Variants in GLIS3 observed in about 807,000 individuals in gnomAD.
The protein encoded by GLIS3 is zinc finger protein GLIS3.
GLIS3 carries 53 observed loss-of-function variants against 78.6 expected under a neutral mutation model. The observed-to-expected ratio is 0.67, with a 90% confidence interval of 0.54 to 0.85. The LOEUF (loss-of-function observed/expected upper bound fraction) is 0.85. Among genes scored for constraint, GLIS3 ranks in the 40% least tolerant of loss-of-function variants. The pLI is 0.00. For missense variants in GLIS3, 1,703 were observed against 1,231.1 expected (o/e 1.38, Z -5.74); for synonymous variants, 684 against 509.9 (o/e 1.34, Z -4.60).
chr9:3,912,083 G>A (rs893476694), intron 6 of GLIS3, among the ~76,000 whole-genome samples: 8 of 152,134 alleles, frequency 5.3e-5, no homozygotes, highest in African/African-American at 1.7e-4. Flanking sequence ...AACCTCTCAA[G>A]ACTTCAGAAC....
chr9:3,939,845 C>T (rs949141835), intron 4 of GLIS3, among the ~76,000 whole-genome samples: 1 of 152,186 alleles, frequency 6.6e-6, no homozygotes, highest in Non-Finnish European at 1.5e-5. Flanking sequence ...AATTCACTTG[C>T]AGGAACCATG....
intron 2 of GLIS3, among the ~76,000 whole-genome samples, chr9:4,182,339 C>T (rs1180694575): frequency 1.3e-5 from 2 of 152,094 alleles, no homozygotes; most frequent in Non-Finnish European, 2.9e-5. Context: ...TGGTGTCGTC[C>T]GTACTCCTTC....
chr9:4,418,720 A>G, the GLIS3 span, among the ~76,000 whole-genome samples: 25 of 151,870 alleles, frequency 1.6e-4, no homozygotes, highest in African/African-American at 5.3e-4. Flanking sequence ...AAAAAAAAAC[A>G]TATTGGAGAA....
At chr9:3,944,685 C>T (rs1019513396) in intron 4 of GLIS3, among the ~76,000 whole-genome samples, 7 of 152,288 alleles carry the variant, frequency 4.6e-5, no homozygotes, top group East Asian at 3.9e-4. Flanking sequence ...TTTGATAACA[C>T]GCCAGTAGAG....
At chr9:3,834,121 T>G (rs1176169644) in intron 9 of GLIS3, among the ~76,000 whole-genome samples, 1 of 152,214 alleles carries the variant, frequency 6.6e-6, no homozygotes, top group East Asian at 1.9e-4. Flanking sequence ...TTTCTTCACA[T>G]TCATTCATTC....
chr9:4,450,455 C>A, the GLIS3 span, among the ~76,000 whole-genome samples: 2 of 152,152 alleles, frequency 1.3e-5, no homozygotes, highest in Admixed American at 1.3e-4. Context: ...CATCCCCAAC[C>A]TAGCAAGACA....
chr9:4,293,163 A>T (rs566644968), intron 1 of GLIS3, among the ~76,000 whole-genome samples: 1 of 152,358 alleles, frequency 6.6e-6, no homozygotes, highest in South Asian at 2.1e-4. Context: ...CTGTGTAACT[A>T]AACACTTAGT....
chr9:4,241,347 G>A (rs762365115), intron 2 of GLIS3, among the ~76,000 whole-genome samples: 20 of 152,252 alleles, frequency 1.3e-4, no homozygotes, highest in Non-Finnish European at 2.4e-4. Flanking sequence ...TGATTAATGA[G>A]TACAGATATA....
intron 4 of GLIS3, among the ~76,000 whole-genome samples, chr9:3,944,005 A>G (rs1816115510): frequency 6.6e-6 from 1 of 152,162 alleles, no homozygotes; most frequent in Non-Finnish European, 1.5e-5. Flanking sequence ...TGCGCTGCTT[A>G]TTTTTGATGA....
At chr9:4,250,064 A>G (rs1337505742) in intron 2 of GLIS3, among the ~76,000 whole-genome samples, 3 of 152,166 alleles carry the variant, frequency 2.0e-5, no homozygotes, top group East Asian at 3.8e-4. Context: ...CATCAGGGAT[A>G]TTGGCCCGAA....
intron 4 of GLIS3, among the ~76,000 whole-genome samples, chr9:4,114,163 G>C (rs181106480): frequency 1.3e-5 from 2 of 152,222 alleles, no homozygotes; most frequent in Non-Finnish European, 2.9e-5. Context: ...CAGATAGGCA[G>C]ACAGCCTTTC....
At chr9:4,068,251 A>G (rs1263144218) in intron 4 of GLIS3, among the ~76,000 whole-genome samples, 3 of 151,738 alleles carry the variant, frequency 2.0e-5, no homozygotes, top group East Asian at 3.9e-4. Context: ...TTTTTAAATC[A>G]TAATAATCAA....
chr9:4,038,390 A>G (rs1824510498), intron 4 of GLIS3, among the ~76,000 whole-genome samples: 1 of 152,244 alleles, frequency 6.6e-6, no homozygotes, highest in Non-Finnish European at 1.5e-5. Context: ...TGTTAAAGAA[A>G]TTGGAAAAAT....
intron 2 of GLIS3, among the ~76,000 whole-genome samples, chr9:4,336,662 C>T (rs1817761486): frequency 6.6e-6 from 1 of 152,156 alleles, no homozygotes; most frequent in Admixed American, 6.5e-5. Context: ...GACCCAGATC[C>T]ACCTAACTCC....
chr9:4,149,166 T>C (rs934298991), intron 2 of GLIS3, among the ~76,000 whole-genome samples: 3 of 152,194 alleles, frequency 2.0e-5, no homozygotes, highest in African/African-American at 2.4e-5. Context: ...ATCTATACAT[T>C]AAAAATGAAG....
the GLIS3 span, among the ~76,000 whole-genome samples, chr9:4,395,987 T>G: frequency 6.6e-6 from 1 of 151,966 alleles, no homozygotes. Flanking sequence ...TTGGCTAGGA[T>G]GGTGTCGATC....
intron 2 of GLIS3, among the ~76,000 whole-genome samples, chr9:4,266,112 G>A (rs1356915841): frequency 6.6e-6 from 1 of 151,778 alleles, no homozygotes; most frequent in Admixed American, 6.6e-5. Flanking sequence ...TAGAGACAAG[G>A]TTTCACCATG....
chr9:4,300,325 T>C (rs1044807346), upstream of GLIS3, among the ~76,000 whole-genome samples: 2 of 59,490 alleles, frequency 3.4e-5, no homozygotes, highest in East Asian at 1.0e-3. Flanking sequence ...CTGGCCTTAT[T>C]TGTTAAACTG....
intron 4 of GLIS3, among the ~76,000 whole-genome samples, chr9:3,980,056 G>C (rs1368709269): frequency 6.6e-6 from 1 of 152,194 alleles, no homozygotes; most frequent in Admixed American, 6.5e-5. Context: ...GACCTTAGGA[G>C]AAAGGACTGT....
Sources: gnomAD v4.1 joint callset for allele counts (sites outside exome capture counted in the v4.1 genomes callset) on GRCh38, gnomAD v4.1.1 for gene constraint, MANE v1.5 for transcripts, NCBI Gene and HGNC (gene_info 2026-07-23, HGNC 2026-07-21) for gene names.